The following GRIN2A variants were observed in gnomAD, a reference collection of about 807,000 sequenced individuals.
GRIN2A encodes the protein glutamate ionotropic receptor NMDA type subunit 2A.
In GRIN2A, 22 loss-of-function variants were observed where a neutral mutation model predicts 113.4. The ratio of observed to expected loss-of-function variants is 0.19; its 90% CI spans 0.14 to 0.28. GRIN2A has a LOEUF of 0.28. Ranked by LOEUF, GRIN2A falls within the 10% of genes least tolerant of loss-of-function variation. The pLI is 1.00. For missense variants in GRIN2A, 1,502 were observed against 1,887.0 expected (o/e 0.80, Z 3.78); for synonymous variants, 827 against 738.4 (o/e 1.12, Z -1.94).
At chr16:10,126,543 T>G (rs1040519927) in intron 2 of GRIN2A, among the ~76,000 whole-genome samples, 2 of 152,110 alleles carry the variant, frequency 1.3e-5, no homozygotes, top group Non-Finnish European at 2.9e-5. Flanking sequence ...AGCCATTGAG[T>G]TTTTATTCTC....
intron 2 of GRIN2A, among the ~76,000 whole-genome samples, chr16:10,149,608 T>G (rs2049524851): frequency 1.3e-5 from 2 of 152,180 alleles, no homozygotes; most frequent in South Asian, 4.1e-4. Flanking sequence ...CAGTCCACTT[T>G]CCAAGCACAT....
chr16:9,876,584 T>C (rs1415787529), intron 4 of GRIN2A, among the ~76,000 whole-genome samples: 5 of 152,180 alleles, frequency 3.3e-5, no homozygotes, highest in African/African-American at 1.2e-4. Flanking sequence ...CACAGCCTGG[T>C]GTTGGGTCTG....
At chr16:9,937,899 C>A (rs2044750661) in intron 3 of GRIN2A, 60 bp downstream of exon 3, 3 of 1,212,450 alleles carry the variant, frequency 2.5e-6, no homozygotes, top group Non-Finnish European at 3.7e-6. Context: ...TGTAAGCAAG[C>A]AAACAATGAC....
intron 8 of GRIN2A, among the ~76,000 whole-genome samples, chr16:9,829,917 G>T (rs557318539): frequency 6.6e-6 from 1 of 152,084 alleles, no homozygotes; most frequent in African/African-American, 2.4e-5. Flanking sequence ...GCAAAATGGG[G>T]GTTTGAATAA....
At chr16:10,127,457 T>C (rs2048963490) in intron 2 of GRIN2A, among the ~76,000 whole-genome samples, 1 of 152,156 alleles carries the variant, frequency 6.6e-6, no homozygotes, top group African/African-American at 2.4e-5. Flanking sequence ...CTTCTAATCA[T>C]TTTTCCAATC....
intron 3 of GRIN2A, among the ~76,000 whole-genome samples, chr16:9,926,734 G>T (rs2315510): frequency 0.098 from 14,975 of 152,098 alleles, 836 homozygotes; most frequent in African/African-American, 0.14. Context: ...ACCCAGGTGG[G>T]GACTAAGGTG....
At chr16:10,151,863 C>A (rs78965132) in intron 2 of GRIN2A, among the ~76,000 whole-genome samples, 1,942 of 152,296 alleles carry the variant, frequency 0.013, 38 homozygotes, top group African/African-American at 0.044. Flanking sequence ...CAGCCTCTGT[C>A]TGACCTCCGA....
chr16:9,822,910 C>T (rs1262894966), intron 9 of GRIN2A, among the ~76,000 whole-genome samples: 1 of 152,192 alleles, frequency 6.6e-6, no homozygotes, highest in Non-Finnish European at 1.5e-5. Flanking sequence ...CTTCACCTCA[C>T]CCAGAAAATG....
chr16:9,999,407 C>T (rs140952756), intron 2 of GRIN2A, among the ~76,000 whole-genome samples: 959 of 152,298 alleles, frequency 6.3e-3, no homozygotes, highest in Non-Finnish European at 0.011. Context: ...GAATACTATG[C>T]AGCCATAAAA....
chr16:9,998,920 C>T (rs1220262477), intron 2 of GRIN2A, among the ~76,000 whole-genome samples: 2 of 152,122 alleles, frequency 1.3e-5, no homozygotes, highest in Non-Finnish European at 2.9e-5. Flanking sequence ...TGCTGAGGGA[C>T]ATAAACATCC....
intron 2 of GRIN2A, among the ~76,000 whole-genome samples, chr16:10,129,973 C>G: frequency 6.6e-6 from 1 of 152,154 alleles, no homozygotes. Flanking sequence ...GCTAGAAGCC[C>G]TTGCTGATGG....
chr16:10,147,653 G>A (rs866206977), intron 2 of GRIN2A, among the ~76,000 whole-genome samples: 47 of 136,664 alleles, frequency 3.4e-4, no homozygotes, highest in African/African-American at 1.3e-3. Flanking sequence ...AAAAAAAAAA[G>A]AAGAAGAAGA....
At chr16:10,057,060 C>A (rs1390978448) in intron 2 of GRIN2A, among the ~76,000 whole-genome samples, 1 of 152,002 alleles carries the variant, frequency 6.6e-6, no homozygotes, top group African/African-American at 2.4e-5. Context: ...AGCCATCCAC[C>A]CAATTCCCCA....
chr16:10,054,238 T>C (rs1018880743), intron 2 of GRIN2A, among the ~76,000 whole-genome samples: 2 of 152,158 alleles, frequency 1.3e-5, no homozygotes, highest in Non-Finnish European at 2.9e-5. Flanking sequence ...TCTTCTGACA[T>C]GACTGTTCAA....
At chr16:9,904,373 T>A (rs1387609490) in intron 3 of GRIN2A, among the ~76,000 whole-genome samples, 1 of 152,054 alleles carries the variant, frequency 6.6e-6, no homozygotes, top group Non-Finnish European at 1.5e-5. Context: ...CTTTTTCTTT[T>A]TCTTTTCTTT....
At chr16:9,871,837 A>T (rs1204505777) in intron 4 of GRIN2A, among the ~76,000 whole-genome samples, 2 of 152,134 alleles carry the variant, frequency 1.3e-5, no homozygotes, top group African/African-American at 4.8e-5. Flanking sequence ...TTCCCACTTA[A>T]ATTCTCTATC....
intron 11 of GRIN2A, among the ~76,000 whole-genome samples, chr16:9,773,342 G>T (rs567246824): frequency 1.3e-5 from 2 of 152,180 alleles, no homozygotes; most frequent in Non-Finnish European, 2.9e-5. Flanking sequence ...TGGGAAATGT[G>T]CATCCTTTAG....
intron 2 of GRIN2A, among the ~76,000 whole-genome samples, chr16:10,146,346 G>T (rs951628853): frequency 6.6e-6 from 1 of 152,096 alleles, no homozygotes; most frequent in African/African-American, 2.4e-5. Context: ...TCAAACTCCT[G>T]ACCTCAGGTG....
intron 3 of GRIN2A, among the ~76,000 whole-genome samples, chr16:9,891,947 G>T (rs1342980644): frequency 6.6e-6 from 1 of 152,050 alleles, no homozygotes; most frequent in Non-Finnish European, 1.5e-5. Flanking sequence ...CCGTGGGAAG[G>T]TGCAGGCATG....
Sources: gnomAD v4.1 joint callset for allele counts (sites outside exome capture counted in the v4.1 genomes callset) on GRCh38, gnomAD v4.1.1 for gene constraint, MANE v1.5 for transcripts, NCBI Gene and HGNC (gene_info 2026-07-23, HGNC 2026-07-21) for gene names.